The following RHOBTB1 variants were observed in gnomAD, a reference collection of about 807,000 sequenced individuals.
RHOBTB1 encodes Rho related BTB domain containing 1, also known as rho-related BTB domain-containing protein 1.
Under a neutral mutation model 71.6 loss-of-function variants are expected in RHOBTB1, and 40 were observed. That is an observed-to-expected ratio of 0.56 (90% confidence interval 0.43 to 0.73). The LOEUF is 0.73. Among genes scored for constraint, RHOBTB1 ranks in the 30% least tolerant of loss-of-function variants. RHOBTB1 has a pLI of 0.00. For synonymous variants in RHOBTB1, 319 were observed against 334.9 expected, an observed-to-expected ratio of 0.95 and a Z score of 0.52; for missense variants, 797 against 894.0, an observed-to-expected ratio of 0.89 and a Z score of 1.38.
At chr10:60,875,569 A>G (rs921836027) in intron 8 of RHOBTB1, among the ~76,000 whole-genome samples, 3 of 151,992 alleles carry the variant, frequency 2.0e-5, no homozygotes, top group Non-Finnish European at 4.4e-5. Context: ...CAGTTTCCCC[A>G]CTCACATCAC....
chr10:60,908,908 A>G (rs2082820036), intron 4 of RHOBTB1, among the ~76,000 whole-genome samples: 1 of 152,178 alleles, frequency 6.6e-6, no homozygotes, highest in South Asian at 2.1e-4. Context: ...AGTGTTCCTG[A>G]AGCCCCTCAA....
downstream of RHOBTB1, among the ~76,000 whole-genome samples, chr10:60,867,146 C>T (rs2080638564): frequency 6.6e-6 from 1 of 152,148 alleles, no homozygotes; most frequent in East Asian, 1.9e-4. Context: ...TTCTAGATGA[C>T]TAAAGCTTAG....
chr10:60,922,341 A>G (rs1318552719), intron 2 of RHOBTB1, among the ~76,000 whole-genome samples: 1 of 152,238 alleles, frequency 6.6e-6, no homozygotes, highest in Non-Finnish European at 1.5e-5. Flanking sequence ...CTTCAAGGCA[A>G]GATGGCAATG....
upstream of RHOBTB1, among the ~76,000 whole-genome samples, chr10:60,944,786 C>T (rs1347494534): frequency 6.6e-6 from 1 of 152,214 alleles, no homozygotes; most frequent in African/African-American, 2.4e-5. Context: ...CCTCCCTGGG[C>T]GGCTGCACGT....
At chr10:60,928,755 T>C (rs1565013985) in intron 2 of RHOBTB1, among the ~76,000 whole-genome samples, 1 of 152,188 alleles carries the variant, frequency 6.6e-6, no homozygotes, top group South Asian at 2.1e-4. Context: ...ATTTATTGTA[T>C]AGTTAAAAAT....
intron 2 of RHOBTB1, among the ~76,000 whole-genome samples, chr10:60,954,876 G>A (rs191494601): frequency 8.2e-4 from 124 of 151,840 alleles, no homozygotes; most frequent in Non-Finnish European, 1.1e-3. Context: ...GTCAAGTTTC[G>A]GAAATAGTTC....
chr10:60,922,279 C>T (rs930682456), intron 2 of RHOBTB1, among the ~76,000 whole-genome samples: 6 of 152,254 alleles, frequency 3.9e-5, no homozygotes, highest in African/African-American at 1.4e-4. Context: ...CTTGAATAAA[C>T]GAGTTCACTC....
In RHOBTB1 at chr10:60,870,608, G is replaced by A. The variant is rs562055497; in HGVS notation, c.*874C>T. 7 of 152,312 alleles carry A rather than the reference G, an allele frequency of 4.6e-5. No individual in the cohort carries two copies. Among genetic ancestry groups the A allele is most frequent in the African/African-American group, 1.7e-4 (7 of 41,558 alleles). The allele number at this position is 152,312 out of a possible 1,614,324, so 9.4% of individuals were successfully genotyped here. A position where few individuals can be genotyped will look rare whatever the true frequency, so the allele number is the denominator to read the frequency against. Reference sequence around the variant, plus strand: ...GTCAGTGAAGAATCTGCATGCAGAAGCATGGCAAGTTCAAGGAATACTGAG... The same window carrying A: ...GTCAGTGAAGAATCTGCATGCAGAAACATGGCAAGTTCAAGGAATACTGAG... On this transcript the variant is annotated 3_prime_UTR_variant, in exon 11 of 11. Transcript: ENST00000337910.
At chr10:60,993,725 C>G (rs907388373) in intron 1 of RHOBTB1, among the ~76,000 whole-genome samples, 2 of 151,548 alleles carry the variant, frequency 1.3e-5, no homozygotes, top group African/African-American at 4.8e-5. Context: ...TCTGTAGGCC[C>G]TAAATCCTTT....
At chr10:60,881,528 A>G (rs1457873135) in intron 7 of RHOBTB1, among the ~76,000 whole-genome samples, 2 of 152,206 alleles carry the variant, frequency 1.3e-5, no homozygotes, top group Non-Finnish European at 2.9e-5. Context: ...TGATAGCGCA[A>G]GAGCCTGGGG....
chr10:60,972,540 T>TG (rs1035370912), intron 2 of RHOBTB1, among the ~76,000 whole-genome samples: 1 of 151,732 alleles, frequency 6.6e-6, no homozygotes, highest in African/African-American at 2.4e-5. Context: ...TGTCGGGGCA[T>TG]GGGGGGCTAG....
intron 8 of RHOBTB1, 97 bp downstream of exon 8, chr10:60,877,810 TA>T (rs1472298294): frequency 1.6e-6 from 2 of 1,289,542 alleles, no homozygotes; most frequent in Non-Finnish European, 2.1e-6. Context: ...TTTTGGGTGA[TA>T]AAAAATCAAT....
intron 2 of RHOBTB1, among the ~76,000 whole-genome samples, chr10:60,932,533 GACAGAA>G (rs1015512682): frequency 1.6e-4 from 13 of 83,136 alleles, no homozygotes; most frequent in African/African-American, 5.3e-4. Flanking sequence ...AAAAAAAAAA[GACAGAA>G]ACAAGAAACC....
chr10:60,968,587 C>T (rs1333604796), intron 2 of RHOBTB1, among the ~76,000 whole-genome samples: 3 of 152,036 alleles, frequency 2.0e-5, no homozygotes, highest in Non-Finnish European at 2.9e-5. Flanking sequence ...GAGAGGTGTA[C>T]ACAAGCAAAG....
intron 2 of RHOBTB1, among the ~76,000 whole-genome samples, chr10:60,918,397 C>G (rs2083381580): frequency 6.6e-6 from 1 of 152,148 alleles, no homozygotes; most frequent in Non-Finnish European, 1.5e-5. Flanking sequence ...GAAAGAGACT[C>G]CCAGGAAGTT....
the RHOBTB1 span, among the ~76,000 whole-genome samples, chr10:60,862,049 T>A: frequency 8.6e-4 from 131 of 152,088 alleles, no homozygotes; most frequent in Non-Finnish European, 1.6e-3. Context: ...CTCTAAGCAA[T>A]GACTTCCTTC....
chr10:60,905,629 T>C (rs1177107941), intron 4 of RHOBTB1, among the ~76,000 whole-genome samples: 3 of 152,018 alleles, frequency 2.0e-5, no homozygotes, highest in Admixed American at 6.6e-5. Flanking sequence ...TATTATTATT[T>C]ACATTTTATG....
chr10:60,871,463 G>GTTTTTT lies in RHOBTB1; in HGVS notation c.*13_*18dup. ...GATTACCGATTGGTTTCTGTTTTTT[G>GTTTTTT]TTTTTTTTCTCTTCCTCTTCAGGCC... is the stretch of plus-strand genomic sequence containing the variant. On this transcript the variant is annotated 3_prime_UTR_variant, in exon 11 of 11. Transcript: ENST00000337910. 1 of 1,604,958 alleles carries GTTTTTT rather than the reference G, an allele frequency of 6.2e-7. No individual in the cohort carries two copies. Among genetic ancestry groups the GTTTTTT allele is most frequent in the Non-Finnish European group, 8.5e-7 (1 of 1,176,264 alleles).
At position 60,986,410 on chromosome 10, in the gene RHOBTB1, TATATATATATATATATATATAAA is replaced by T. The variant is rs1463265065; in HGVS notation, c.-162-488_-162-466del. 3.3e-4 allele frequency among the ~76,000 whole-genome samples: 45 copies of T among 137,700 alleles called. No homozygotes were observed. In the East Asian group the frequency reaches 7.8e-3, roughly 24 times the overall value. 90.3% of individuals were successfully genotyped at this position (137,700 alleles called of 152,430 possible). On this transcript the variant is annotated intron_variant, in intron 1 of 11. Coordinates refer to the RHOBTB1 transcript ENST00000357917. Reference sequence around the variant, plus strand: ...TAATGAAATATAAATAAAAGATATATATATATATATATATATATATAAAATATATATAGGCCATATATACTGGT... The same window carrying T: ...TAATGAAATATAAATAAAAGATATATATATATATAGGCCATATATACTGGT...
Sources: allele counts gnomAD v4.1 joint callset (sites outside exome capture counted in the v4.1 genomes callset), GRCh38; gene constraint gnomAD v4.1.1; transcripts MANE v1.5; gene names NCBI Gene and HGNC (gene_info 2026-07-23, HGNC 2026-07-21).